KCNN2: variants seen among roughly 807,000 people sequenced by gnomAD.
KCNN2 encodes the protein small conductance calcium-activated potassium channel protein 2.
In KCNN2, 24 loss-of-function variants were observed where a neutral mutation model predicts 55.5. The ratio of observed to expected loss-of-function variants is 0.43; its 90% CI spans 0.31 to 0.61. The LOEUF is 0.61. Among genes scored for constraint, KCNN2 ranks in the 20% least tolerant of loss-of-function variants. The probability of loss-of-function intolerance (pLI) is 0.08; values close to 1 mark genes in which losing one functional copy is unlikely to be tolerated. For synonymous variants in KCNN2, 431 were observed against 336.1 expected, an observed-to-expected ratio of 1.28 and a Z score of -3.09; for missense variants, 754 against 853.6, an observed-to-expected ratio of 0.88 and a Z score of 1.45.
At chr5:114,479,926 C>T (rs763501236) in intron 5 of KCNN2, among the ~76,000 whole-genome samples, 11 of 151,720 alleles carry the variant, frequency 7.3e-5, no homozygotes, top group Non-Finnish European at 1.3e-4. Flanking sequence ...ACACCAAAAG[C>T]CAGAAAGATT....
chr5:114,265,373 A>G (rs946661415), intron 2 of KCNN2, among the ~76,000 whole-genome samples: 3 of 151,348 alleles, frequency 2.0e-5, no homozygotes, highest in Non-Finnish European at 4.4e-5. Flanking sequence ...GTGCATAAAG[A>G]GATTTATTAT....
At chr5:114,239,346 G>A (rs4272125) in intron 2 of KCNN2, among the ~76,000 whole-genome samples, 126,542 of 152,204 alleles carry the variant, frequency 0.83, 52,661 homozygotes, top group East Asian at 0.89. Context: ...GTTAACCGGT[G>A]TGAGGAATAG....
chr5:114,369,494 T>C (rs1009119647), intron 2 of KCNN2, among the ~76,000 whole-genome samples: 1 of 152,170 alleles, frequency 6.6e-6, no homozygotes, highest in African/African-American at 2.4e-5. Context: ...GGTAGTTTCA[T>C]GTACCTATGA....
chr5:114,421,549 A>G (rs1380859071), intron 3 of KCNN2, among the ~76,000 whole-genome samples: 2 of 150,990 alleles, frequency 1.3e-5, no homozygotes, highest in African/African-American at 4.9e-5. Flanking sequence ...CCTAATTTAT[A>G]TTCCTACCAG....
chr5:114,148,347 GCAA>G (rs1561495590), intron 1 of KCNN2, among the ~76,000 whole-genome samples: 1 of 152,050 alleles, frequency 6.6e-6, no homozygotes, highest in African/African-American at 2.4e-5. Flanking sequence ...CTTTTTTTGT[GCAA>G]CAAACACAGA....
At chr5:114,389,797 G>A (rs337691) in intron 2 of KCNN2, among the ~76,000 whole-genome samples, 77,604 of 152,058 alleles carry the variant, frequency 0.51, 21,078 homozygotes, top group African/African-American at 0.7. Context: ...GAAAGCAGGA[G>A]GTCATCTAAG....
chr5:114,177,441 T>C (rs1402032209), intron 1 of KCNN2, among the ~76,000 whole-genome samples: 2 of 152,096 alleles, frequency 1.3e-5, no homozygotes, highest in African/African-American at 2.4e-5. Flanking sequence ...CCAGCTAATA[T>C]GCTGTTTTGT....
At chr5:114,378,298 A>G (rs957153045) in intron 2 of KCNN2, among the ~76,000 whole-genome samples, 1 of 152,224 alleles carries the variant, frequency 6.6e-6, no homozygotes, top group East Asian at 1.9e-4. Context: ...GGCAAAATGA[A>G]AAATATTTGC....
intron 2 of KCNN2, among the ~76,000 whole-genome samples, chr5:114,245,990 CAT>C (rs2112621142): frequency 6.6e-6 from 1 of 152,278 alleles, no homozygotes; most frequent in East Asian, 1.9e-4. Flanking sequence ...GGATATTAGA[CAT>C]ATAAACAGAT....
chr5:114,090,577 G>GTA (rs3070915), intron 1 of KCNN2, among the ~76,000 whole-genome samples: 79,087 of 148,738 alleles, frequency 0.53, 21,796 homozygotes, highest in East Asian at 0.69. Flanking sequence ...ATATATGTAT[G>GTA]TATATATATA....
chr5:114,153,660 G>C (rs1752571553), intron 1 of KCNN2, among the ~76,000 whole-genome samples: 1 of 152,182 alleles, frequency 6.6e-6, no homozygotes, highest in Non-Finnish European at 1.5e-5. Flanking sequence ...ACGGTGGATA[G>C]TAAGCAGCCA....
chr5:114,409,721 C>G (rs1759068532), intron 3 of KCNN2, among the ~76,000 whole-genome samples: 1 of 152,122 alleles, frequency 6.6e-6, no homozygotes, highest in East Asian at 1.9e-4. Flanking sequence ...CTTCTAGGAG[C>G]ACAAGATTCA....
intron 2 of KCNN2, among the ~76,000 whole-genome samples, chr5:114,315,116 C>T (rs1756473480): frequency 6.6e-6 from 1 of 152,140 alleles, no homozygotes; most frequent in South Asian, 2.1e-4. Flanking sequence ...CTGTGCTTCA[C>T]TGCTCTCAAC....
intron 1 of KCNN2, among the ~76,000 whole-genome samples, chr5:114,115,406 G>A (rs1751690817): frequency 6.6e-6 from 1 of 152,088 alleles, no homozygotes; most frequent in Non-Finnish European, 1.5e-5. Flanking sequence ...ATTCTATGCT[G>A]TGGGTTAACC....
At chr5:114,446,582 C>T (rs1259243003) in intron 3 of KCNN2, among the ~76,000 whole-genome samples, 3 of 152,188 alleles carry the variant, frequency 2.0e-5, no homozygotes. Flanking sequence ...CTCAGCCTCC[C>T]AAGCAGCTGG....
At chr5:114,256,118 A>G (rs976534407) in intron 2 of KCNN2, among the ~76,000 whole-genome samples, 4 of 152,034 alleles carry the variant, frequency 2.6e-5, no homozygotes, top group Non-Finnish European at 5.9e-5. Flanking sequence ...TCTGTTTCTG[A>G]GTATTTTACT....
intron 2 of KCNN2, among the ~76,000 whole-genome samples, chr5:114,343,456 T>G (rs36935): frequency 0.49 from 74,264 of 152,012 alleles, 18,663 homozygotes; most frequent in East Asian, 0.86. Context: ...CAACTGTGAC[T>G]TAACTAAAAT....
In KCNN2 at chr5:114,381,138, T is replaced by C. The variant is rs139865797; in HGVS notation, c.1218+17137T>C. On this transcript the variant is annotated intron_variant, in intron 2 of 7. Coordinates refer to ENST00000673685, the MANE Select transcript of KCNN2 (RefSeq NM_021614.4). ...GAGGTGGTATGGCAATCTAATAAGC[T>C]AATAATAGTCTAATTAATGTGCTTT... 2.3e-3 allele frequency among the ~76,000 whole-genome samples: 347 copies of C among 152,354 alleles called. 1 individual carries two copies. Among genetic ancestry groups the C allele is most frequent in the African/African-American group, 8.2e-3 (342 of 41,582 alleles).
chr5:114,177,801 A>C (rs1486334059), intron 1 of KCNN2, among the ~76,000 whole-genome samples: 1 of 152,146 alleles, frequency 6.6e-6, no homozygotes, highest in Admixed American at 6.5e-5. Flanking sequence ...AATTTAATTT[A>C]AGACATTATC....
Sources: gnomAD v4.1 joint callset for allele counts (sites outside exome capture counted in the v4.1 genomes callset) on GRCh38, gnomAD v4.1.1 for gene constraint, MANE v1.5 for transcripts, NCBI Gene and HGNC (gene_info 2026-07-23, HGNC 2026-07-21) for gene names.